ASCC1: variants seen among roughly 807,000 people sequenced by gnomAD.
ASCC1 encodes the protein ASC-1 complex subunit P50.
In ASCC1, 35 loss-of-function variants were observed where a neutral mutation model predicts 46.6. The ratio of observed to expected loss-of-function variants is 0.75; its 90% CI spans 0.57 to 0.99. The LOEUF (loss-of-function observed/expected upper bound fraction) is 0.99. ASCC1 is among the 50% of genes least tolerant of loss of function. ASCC1 has a pLI of 0.00. For missense variants in ASCC1, 376 were observed against 428.7 expected (o/e 0.88, Z 1.09); for synonymous variants, 143 against 146.6 (o/e 0.98, Z 0.18).
chr10:72,107,019 G>C (rs151171377), intron 9 of ASCC1, among the ~76,000 whole-genome samples: 28 of 152,242 alleles, frequency 1.8e-4, no homozygotes, highest in African/African-American at 6.3e-4. Context: ...CAAATGATGT[G>C]AAAAGCTATC....
intron 7 of ASCC1, among the ~76,000 whole-genome samples, chr10:72,136,584 C>A (rs757063606): frequency 6.6e-6 from 1 of 152,134 alleles, no homozygotes; most frequent in African/African-American, 2.4e-5. Context: ...GGGATGTGGG[C>A]GGGGCCAAAT....
At chr10:72,191,368 G>C (rs999118671) in intron 5 of ASCC1, among the ~76,000 whole-genome samples, 8 of 151,402 alleles carry the variant, frequency 5.3e-5, no homozygotes, top group Admixed American at 5.3e-4. Flanking sequence ...CCTGGCTGTT[G>C]TATCTTGTTT....
intron 7 of ASCC1, among the ~76,000 whole-genome samples, chr10:72,137,380 T>C (rs1278603158): frequency 1.3e-5 from 2 of 151,816 alleles, no homozygotes. Flanking sequence ...TACAAAAAAT[T>C]AGATGGGTGT....
chr10:72,209,627 T>C (rs927145668), intron 3 of ASCC1, among the ~76,000 whole-genome samples: 6 of 151,674 alleles, frequency 4.0e-5, no homozygotes, highest in Non-Finnish European at 1.5e-5. Context: ...CTACTAAAAA[T>C]ACAAAAATTA....
intron 5 of ASCC1, among the ~76,000 whole-genome samples, chr10:72,182,826 A>AG (rs1489821466): frequency 4.9e-5 from 7 of 143,502 alleles, no homozygotes; most frequent in African/African-American, 2.1e-4. Flanking sequence ...AAAAAAAAAA[A>AG]AAGAGAGAGA....
At chr10:72,103,796 C>CTAA (rs1842061716) in intron 9 of ASCC1, among the ~76,000 whole-genome samples, 1 of 152,126 alleles carries the variant, frequency 6.6e-6, no homozygotes, top group Non-Finnish European at 1.5e-5. Context: ...ACAGGCCTTG[C>CTAA]TAAGCCTCCC....
intron 5 of ASCC1, among the ~76,000 whole-genome samples, chr10:72,166,670 T>C (rs1850387441): frequency 6.6e-6 from 1 of 151,812 alleles, no homozygotes; most frequent in Admixed American, 6.6e-5. Context: ...GAAAAATATT[T>C]GGGAGAAAAA....
intron 8 of ASCC1, 48 bp from the exon 9 acceptor site, chr10:72,128,215 T>C (rs780340486): frequency 1.2e-5 from 18 of 1,543,136 alleles, no homozygotes; most frequent in South Asian, 4.5e-5. Context: ...TGATTGGTTG[T>C]TTTCTCTTGG....
chr10:72,097,310 T>C lies in ASCC1; in HGVS notation c.*24A>G, dbSNP rs773352322. 6.8e-7 allele frequency: 1 copy of C among 1,479,648 alleles called. No homozygotes were observed. Among genetic ancestry groups the C allele is most frequent in the South Asian group, 1.1e-5 (1 of 88,380 alleles). 91.7% of individuals were successfully genotyped at this position (1,479,648 alleles called of 1,614,324 possible). A position where few individuals can be genotyped will look rare whatever the true frequency, so the allele number is the denominator to read the frequency against. ...TCAGCACCTGGTGAAGATGTTTAGT[T>C]TCTAGTGCTTTCCAAGATCCACCTC... On this transcript the variant is annotated 3_prime_UTR_variant, in exon 10 of 10. Coordinates refer to ENST00000672957, the MANE Select transcript of ASCC1 (RefSeq NM_001198800.3).
At position 72,128,121 on chromosome 10, in the gene ASCC1, G is replaced by A. The variant is rs1232878292; in HGVS notation, c.918C>T (p.Phe306=). The stretch of plus-strand genomic sequence containing the variant: ...GGCCATCAAATGATTCTCTTTCCTT[G>A]AAGATATATTTGCCTTCCGCTGTGT... ...NLYTAEGKYI[F]KERESFDGRN... is the part of the protein sequence containing the mutation. The change falls in exon 9 of 10, where the codon TTC becomes TTT. Residue 306 remains phenylalanine, a synonymous_variant. Transcript: ENST00000672957. 5 of 1,613,812 alleles carry A rather than the reference G, an allele frequency of 3.1e-6. No homozygotes were observed. In the Admixed American group the frequency reaches 8.3e-5, roughly 27 times the overall value.
chr10:72,203,542 T>A lies in ASCC1; in HGVS notation c.213-18A>T. ...CTATATGCCTGTAACATAAAGTAATTAAAAGAAGATTAAGTCAAAATGTAC... is the reference window on the plus strand; with the variant it reads ...CTATATGCCTGTAACATAAAGTAATAAAAAGAAGATTAAGTCAAAATGTAC... On this transcript the variant is annotated intron_variant, in intron 3 of 9. Coordinates refer to ENST00000672957, the MANE Select transcript of ASCC1 (RefSeq NM_001198800.3). 1 of 1,530,536 alleles carries A rather than the reference T, an allele frequency of 6.5e-7. No individual in the cohort carries two copies. Among genetic ancestry groups the A allele is most frequent in the Non-Finnish European group, 9.0e-7 (1 of 1,105,832 alleles). 94.8% of individuals were successfully genotyped at this position (1,530,536 alleles called of 1,614,324 possible). A position where few individuals can be genotyped will look rare whatever the true frequency, so the allele number is the denominator to read the frequency against.
At position 72,210,729 on chromosome 10, in the gene ASCC1, C is replaced by T; in HGVS notation, c.212+3G>A. ...CCATGAAACTGTTGGGGACATGACT[C>T]ACTTATAGAGCAAGCTGGGGGCCCT... is the stretch of plus-strand genomic sequence containing the variant. On this transcript the variant is annotated splice_donor_region_variant and intron_variant, in intron 3 of 9. Transcript: ENST00000672957. 6.2e-7 allele frequency: 1 copy of T among 1,613,732 alleles called. No homozygotes were observed. Among genetic ancestry groups the T allele is most frequent in the Non-Finnish European group, 8.5e-7 (1 of 1,179,698 alleles).
intron 9 of ASCC1, among the ~76,000 whole-genome samples, chr10:72,116,730 T>C (rs1317754664): frequency 6.6e-6 from 1 of 152,222 alleles, no homozygotes; most frequent in Non-Finnish European, 1.5e-5. Context: ...CTAGCATTTC[T>C]ATTTGGTTCT....
At chr10:72,211,051 T>C (rs1858020981) in intron 2 of ASCC1, among the ~76,000 whole-genome samples, 1 of 152,210 alleles carries the variant, frequency 6.6e-6, no homozygotes, top group African/African-American at 2.4e-5. Context: ...ATTTTAAATC[T>C]TTCAGTCTTG....
In ASCC1 at chr10:72,188,422, TTTCTAATAC is replaced by T. The variant is rs1853842827; in HGVS notation, c.489+8380_489+8388del. 2.0e-5 allele frequency among the ~76,000 whole-genome samples: 3 copies of T among 151,986 alleles called. No individual in the cohort carries two copies. The South Asian group carries it at 6.2e-4, about 32-fold the overall frequency. On this transcript the variant is annotated intron_variant, in intron 5 of 9. Transcript: ENST00000672957. ...GCATGAGCCACCACGCCCGACCTGGTTTCTAATACTTCTAACACTGCATATCCATCTCTC... is the reference window on the plus strand; with the variant it reads ...GCATGAGCCACCACGCCCGACCTGGTTTCTAACACTGCATATCCATCTCTC...
At chr10:72,154,835 A>G (rs541392748) in intron 6 of ASCC1, among the ~76,000 whole-genome samples, 1 of 152,316 alleles carries the variant, frequency 6.6e-6, no homozygotes, top group East Asian at 1.9e-4. Flanking sequence ...TGTTTTGAGT[A>G]CCAAAAGATT....
chr10:72,133,068 T>C lies in ASCC1; in HGVS notation c.860A>G (p.Lys287Arg), dbSNP rs1011036993. 1 of 1,614,042 alleles carries C rather than the reference T, an allele frequency of 6.2e-7. No individual in the cohort carries two copies. Among genetic ancestry groups the C allele is most frequent in the Non-Finnish European group, 8.5e-7 (1 of 1,180,010 alleles). ...HATVMNTLFR[K>R]DPNAEGRYNL... is the part of the protein sequence containing the mutation. Reference sequence around the variant, plus strand: ...TCTGGGGGACTTACCATTGGGGTCTTTCCTGAATAGTGTATTCATAACTGT... The same window carrying C: ...TCTGGGGGACTTACCATTGGGGTCTCTCCTGAATAGTGTATTCATAACTGT... The change falls in exon 8 of 10, where the codon AAA becomes AGA. Residue 287 changes from lysine (K) to arginine (R), a missense_variant. Lys to Arg is a conservative substitution (Grantham distance 26, BLOSUM62 2). Transcript: ENST00000672957.
At chr10:72,173,647 A>C (rs887630980) in intron 5 of ASCC1, among the ~76,000 whole-genome samples, 1 of 152,226 alleles carries the variant, frequency 6.6e-6, no homozygotes, top group Non-Finnish European at 1.5e-5. Context: ...CCATCTACCA[A>C]GAGAAACTTT....
chr10:72,117,336 T>A (rs536291576), intron 9 of ASCC1, among the ~76,000 whole-genome samples: 16 of 152,328 alleles, frequency 1.1e-4, no homozygotes, highest in Middle Eastern at 3.4e-3. Context: ...CAGAGGGTGA[T>A]GGTACCTTCT....
Sources: gnomAD v4.1 joint callset for allele counts (sites outside exome capture counted in the v4.1 genomes callset) on GRCh38, gnomAD v4.1.1 for gene constraint, MANE v1.5 for transcripts, NCBI Gene and HGNC (gene_info 2026-07-23, HGNC 2026-07-21) for gene names.